Variants in NCAM1 observed in about 807,000 individuals in gnomAD.
NCAM1 encodes antigen recognized by monoclonal antibody 5.1H11.
A neutral mutation model predicts 109.8 loss-of-function variants in NCAM1; 14 were observed. The observed-to-expected ratio is 0.13, with a 90% CI of 0.08 to 0.20. The LOEUF is 0.20. NCAM1 is among the 10% of genes least tolerant of loss of function. The pLI is 1.00. For synonymous variants in NCAM1, 418 were observed against 442.9 expected (o/e 0.94, Z 0.70); for missense variants, 774 against 1,109.9 (o/e 0.70, Z 4.30).
In NCAM1 at chr11:113,204,498, A is replaced by G; in HGVS notation, c.340A>G (p.Ile114Val). ...GTCAGAGGCCACCGTCAACGTGAAGATCTTTCGTAAGAGCCTCCTTCTTCT... is the reference window on the plus strand; with the variant it reads ...GTCAGAGGCCACCGTCAACGTGAAGGTCTTTCGTAAGAGCCTCCTTCTTCT... ...SESEATVNVK[I>V]FQKLMFKNAP... The change falls in exon 3 of 20, where the codon ATC becomes GTC. Residue 114 changes from isoleucine (I) to valine (V), a missense_variant. Ile to Val is a conservative substitution (Grantham distance 29). Transcript: ENST00000316851. 3.1e-6 allele frequency: 5 copies of G among 1,613,868 alleles called. No individual in the cohort carries two copies. The highest frequency in any genetic ancestry group is 1.6e-4 in the Middle Eastern group (1 of 6,062).
chr11:113,067,148 T>C (rs1938005332), intron 1 of NCAM1, among the ~76,000 whole-genome samples: 1 of 152,194 alleles, frequency 6.6e-6, no homozygotes, highest in Non-Finnish European at 1.5e-5. Context: ...GTTTCCTCCT[T>C]AGCGTAAGAG....
intron 1 of NCAM1, among the ~76,000 whole-genome samples, chr11:113,005,999 G>A (rs1007613480): frequency 1.3e-5 from 2 of 152,110 alleles, no homozygotes; most frequent in African/African-American, 4.8e-5. Context: ...TCTGTAAGCA[G>A]TCTCAAAGGC....
intron 1 of NCAM1, among the ~76,000 whole-genome samples, chr11:113,087,050 G>A (rs1262558699): frequency 6.6e-6 from 1 of 152,170 alleles, no homozygotes; most frequent in Non-Finnish European, 1.5e-5. Flanking sequence ...TTTCGACTGA[G>A]GCTTTAGAAT....
chr11:113,187,104 C>G (rs1026914515), intron 1 of NCAM1, among the ~76,000 whole-genome samples: 9 of 152,204 alleles, frequency 5.9e-5, no homozygotes, highest in African/African-American at 2.2e-4. Flanking sequence ...TAAGGAGAAG[C>G]CTCATATCTG....
rs546639172 is a variant in NCAM1 at position 113,249,404 on chromosome 11, G to A, written c.1828+3034G>A. On this transcript the variant is annotated intron_variant, in intron 15 of 19. Transcript: ENST00000316851. ...AAGGGGCTGAAGAAAAAGGCAGTGA[G>A]GTGTGTCAGCCCGAATCCTGTGGGC... Among the ~76,000 whole-genome samples, 4 of 152,314 alleles carry A rather than the reference G, an allele frequency of 2.6e-5. No individual in the cohort carries two copies. In the South Asian group the frequency reaches 8.3e-4, roughly 32 times the overall value.
At chr11:113,154,198 T>C (rs1482289850) in intron 1 of NCAM1, among the ~76,000 whole-genome samples, 1 of 152,150 alleles carries the variant, frequency 6.6e-6, no homozygotes, top group East Asian at 1.9e-4. Context: ...TAGACTCCGG[T>C]TTCTGGTGGG....
intron 1 of NCAM1, among the ~76,000 whole-genome samples, chr11:113,180,171 C>A (rs973731149): frequency 4.6e-5 from 7 of 152,152 alleles, no homozygotes; most frequent in African/African-American, 1.7e-4. Context: ...CTCACTTCAT[C>A]TCATAGGCAT....
At chr11:113,171,092 T>C (rs1555106144) in intron 1 of NCAM1, among the ~76,000 whole-genome samples, 2 of 152,224 alleles carry the variant, frequency 1.3e-5, no homozygotes, top group African/African-American at 2.4e-5. Flanking sequence ...TGCCAGAGGC[T>C]GTGACCTTAT....
rs1946398097 is a variant in NCAM1, at chr11:113,276,241, A to G, written c.*854A>G. The G allele has an allele frequency of 6.6e-6, 1 of 152,606 alleles. No homozygotes were observed. The highest frequency in any genetic ancestry group is 6.5e-5 in the Admixed American group (1 of 15,280). The allele number at this position is 152,606 out of a possible 1,614,324, so 9.5% of individuals were successfully genotyped here. A position where few individuals can be genotyped will look rare whatever the true frequency, so the allele number is the denominator to read the frequency against. On this transcript the variant is annotated 3_prime_UTR_variant, in exon 20 of 20. Transcript: ENST00000316851. ...CATCCCACGCTTGCTTTAGCACAGG[A>G]CAACTTTACAAAACATGATTGTTTA... is the stretch of plus-strand genomic sequence containing the variant.
intron 1 of NCAM1, among the ~76,000 whole-genome samples, chr11:113,042,283 T>C (rs1438749383): frequency 6.6e-6 from 1 of 152,114 alleles, no homozygotes; most frequent in Non-Finnish European, 1.5e-5. Context: ...CACTCCTGAC[T>C]CCCTGCCCCT....
At position 113,207,293 on chromosome 11, in the gene NCAM1, G is replaced by A. The variant is rs2136946748; in HGVS notation, c.661G>A (p.Val221Met). The stretch of plus-strand genomic sequence containing the variant: ...TACCATCCAGGCCAGGCAGAATATT[G>A]TGAATGCCACCGCCAACCTCGGCCA... ...PPTIQARQNI[V>M]NATANLGQSV... is the part of the protein sequence containing the mutation. The change falls in exon 6 of 20, where the codon GTG becomes ATG. Residue 221 changes from valine (V) to methionine (M), a missense_variant. Transcript: ENST00000316851. 6.2e-7 allele frequency: 1 copy of A among 1,613,928 alleles called. No individual in the cohort carries two copies. Among genetic ancestry groups the A allele is most frequent in the East Asian group, 2.2e-5 (1 of 44,870 alleles).
chr11:113,103,730 T>C (rs1010611471), intron 1 of NCAM1, among the ~76,000 whole-genome samples: 5 of 152,136 alleles, frequency 3.3e-5, no homozygotes, highest in Non-Finnish European at 7.3e-5. Flanking sequence ...TAACAATTCA[T>C]TTTGTCTTTG....
At chr11:113,270,003 G>A in intron 17 of NCAM1, 185 bp from the exon 18 acceptor site, 1 of 618,336 alleles carries the variant, frequency 1.6e-6, no homozygotes, top group Non-Finnish European at 2.9e-6. Flanking sequence ...CCCTCTGGAA[G>A]GTATAGAAAG....
chr11:113,029,800 A>T (rs1416514269), intron 1 of NCAM1, among the ~76,000 whole-genome samples: 1 of 152,218 alleles, frequency 6.6e-6, no homozygotes, highest in Non-Finnish European at 1.5e-5. Flanking sequence ...TAATACTGTG[A>T]TTAAAAAAAT....
In NCAM1 at chr11:113,271,846, C is replaced by T. The variant is rs782087452; in HGVS notation, c.2426C>T (p.Pro809Leu). 1.3e-6 allele frequency: 2 copies of T among 1,571,824 alleles called. No homozygotes were observed. Among genetic ancestry groups the T allele is most frequent in the Admixed American group, 3.7e-5 (2 of 53,778 alleles). ...PNHDGGKHTE[P>L]NETTPLTEPE... is the part of the protein sequence containing the mutation. ...CATGATGGAGGGAAACACACAGAGC[C>T]CAACGAGACCACGCCACTGACGGAG... The change falls in exon 19 of 20, where the codon CCC becomes CTC. Residue 809 changes from proline to leucine, a missense_variant. Pro to Leu is a moderately conservative substitution (Grantham distance 98). Coordinates refer to ENST00000316851, the MANE Select transcript of NCAM1 (RefSeq NM_181351.5).
intron 1 of NCAM1, among the ~76,000 whole-genome samples, chr11:112,973,702 C>G (rs1950939019): frequency 6.6e-6 from 1 of 152,076 alleles, no homozygotes; most frequent in South Asian, 2.1e-4. Context: ...ACATAGTGAG[C>G]TCAGCAATTT....
At chr11:113,024,705 GA>G (rs563464508) in intron 1 of NCAM1, among the ~76,000 whole-genome samples, 1 of 151,794 alleles carries the variant, frequency 6.6e-6, no homozygotes, top group African/African-American at 2.4e-5. Flanking sequence ...TGAAAAAAAA[GA>G]AAAAAAACTG....
intron 1 of NCAM1, among the ~76,000 whole-genome samples, chr11:113,029,363 C>G (rs1384343714): frequency 1.3e-5 from 2 of 152,102 alleles, no homozygotes; most frequent in African/African-American, 4.8e-5. Flanking sequence ...ACAGAAGGCT[C>G]TATGTTAAAA....
At chr11:113,108,771 G>GT (rs565940428) in intron 1 of NCAM1, among the ~76,000 whole-genome samples, 213 of 128,908 alleles carry the variant, frequency 1.7e-3, no homozygotes, top group South Asian at 0.011. Flanking sequence ...TCCCTTGAAG[G>GT]TTTTTTTTTG....
Sources: allele counts gnomAD v4.1 joint callset (sites outside exome capture counted in the v4.1 genomes callset), GRCh38; gene constraint gnomAD v4.1.1; transcripts MANE v1.5; gene names NCBI Gene and HGNC (gene_info 2026-07-23, HGNC 2026-07-21).